The following PCSK5 variants were observed in gnomAD, a reference collection of about 807,000 sequenced individuals.
The protein encoded by PCSK5 is proprotein convertase subtilisin/kexin type 5.
In PCSK5, 129 loss-of-function variants were observed where a neutral mutation model predicts 233.2. That is an observed-to-expected ratio of 0.55 (90% CI 0.48 to 0.64). The LOEUF is 0.64. Ranked by LOEUF, PCSK5 falls within the 30% of genes least tolerant of loss-of-function variation. PCSK5 has a pLI of 0.00. For synonymous variants in PCSK5, 825 were observed against 879.2 expected (o/e 0.94, Z 1.09); for missense variants, 2,076 against 2,430.1 (o/e 0.85, Z 3.06).
At chr9:76,083,732 C>CA (rs1830947080) in intron 7 of PCSK5, among the ~76,000 whole-genome samples, 1 of 152,196 alleles carries the variant, frequency 6.6e-6, no homozygotes, top group African/African-American at 2.4e-5. Flanking sequence ...TTGCTGAAAG[C>CA]AAAGATTGCT....
intron 24 of PCSK5, among the ~76,000 whole-genome samples, chr9:76,267,386 A>G (rs1827366010): frequency 6.6e-6 from 1 of 152,222 alleles, no homozygotes; most frequent in Non-Finnish European, 1.5e-5. Flanking sequence ...CTCCACATTC[A>G]GCAGATAATT....
intron 10 of PCSK5, among the ~76,000 whole-genome samples, chr9:76,144,628 A>C (rs570633016): frequency 2.6e-5 from 4 of 152,340 alleles, no homozygotes; most frequent in African/African-American, 9.6e-5. Flanking sequence ...TCTAATCGAC[A>C]GAAGTCCCAC....
chr9:76,232,115 C>A (rs73460381), intron 21 of PCSK5, among the ~76,000 whole-genome samples: 14,792 of 152,198 alleles, frequency 0.097, 753 homozygotes, highest in South Asian at 0.11. Flanking sequence ...GCCCACCCCC[C>A]AGTTCAGGGT....
rs147357096 is a variant in PCSK5 at position 76,146,549 on chromosome 9, T to C, written c.1313-10496T>C. On this transcript the variant is annotated intron_variant, in intron 10 of 37. Transcript: ENST00000674117. ...GTATGTATATATATATATGTGTATATATATATTGCACATGATGTTTTAATG... is the reference window on the plus strand; with the variant it reads ...GTATGTATATATATATATGTGTATACATATATTGCACATGATGTTTTAATG... Among the ~76,000 whole-genome samples the C allele has an allele frequency of 1.9e-3, 286 of 151,476 alleles. 1 individual carries two copies. Among genetic ancestry groups the C allele is most frequent in the African/African-American group, 6.4e-3 (264 of 41,406 alleles).
intron 21 of PCSK5, among the ~76,000 whole-genome samples, chr9:76,228,749 G>T (rs1306574919): frequency 6.6e-6 from 1 of 152,242 alleles, no homozygotes; most frequent in Non-Finnish European, 1.5e-5. Context: ...TGCAGGCAAG[G>T]GTGATGAGGC....
In PCSK5 at chr9:76,071,712, T is replaced by G; in HGVS notation, c.722-14T>G. 1 of 1,606,148 alleles carries G rather than the reference T, an allele frequency of 6.2e-7. No individual in the cohort carries two copies. Among genetic ancestry groups the G allele is most frequent in the Non-Finnish European group, 8.5e-7 (1 of 1,175,412 alleles). ...AAGCCCTGTAATGAGCTAGTTCTCCTTTCTGTGTTGAAGGAGTGCGAATGC... is the reference window on the plus strand; with the variant it reads ...AAGCCCTGTAATGAGCTAGTTCTCCGTTCTGTGTTGAAGGAGTGCGAATGC... On this transcript the variant is annotated splice_polypyrimidine_tract_variant and intron_variant, in intron 6 of 37. Transcript: ENST00000674117.
chr9:76,288,866 A>G (rs2803414), intron 24 of PCSK5, among the ~76,000 whole-genome samples: 30,265 of 152,170 alleles, frequency 0.2, 3,195 homozygotes, highest in Middle Eastern at 0.27. Context: ...AATACATCTT[A>G]TAGGTATGAT....
chr9:76,165,868 AAAG>A (rs1378560469), intron 12 of PCSK5, among the ~76,000 whole-genome samples: 1 of 152,252 alleles, frequency 6.6e-6, no homozygotes, highest in African/African-American at 2.4e-5. Flanking sequence ...TTAGTTGATA[AAAG>A]AAGATCCCAC....
intron 3 of PCSK5, among the ~76,000 whole-genome samples, chr9:76,015,162 G>A (rs955432420): frequency 6.6e-6 from 1 of 152,194 alleles, no homozygotes; most frequent in East Asian, 1.9e-4. Flanking sequence ...GGAGAAACAG[G>A]AGCAACAGTG....
chr9:76,091,945 G>A (rs777840963), intron 7 of PCSK5, among the ~76,000 whole-genome samples: 2 of 152,122 alleles, frequency 1.3e-5, no homozygotes, highest in African/African-American at 4.8e-5. Flanking sequence ...CATTTTCAGG[G>A]CAGCAGCAAC....
chr9:76,322,148 C>T (rs1192936317), intron 31 of PCSK5, among the ~76,000 whole-genome samples: 7 of 152,152 alleles, frequency 4.6e-5, no homozygotes, highest in African/African-American at 1.4e-4. Context: ...CGAGGTTTCT[C>T]CATGTTGGTC....
intron 5 of PCSK5, among the ~76,000 whole-genome samples, chr9:76,049,663 C>A (rs1205761998): frequency 6.6e-6 from 1 of 152,170 alleles, no homozygotes; most frequent in Admixed American, 6.5e-5. Context: ...CCCCAAGGAG[C>A]CCTTGGATCA....
At chr9:76,308,574 C>CT in intron 28 of PCSK5, 71 bp from the exon 29 acceptor site, 3 of 860,812 alleles carry the variant, frequency 3.5e-6, no homozygotes, top group South Asian at 1.4e-5. Flanking sequence ...CCCATGAGAT[C>CT]TTTTTCAGTA....
In PCSK5 at chr9:76,323,287, A is replaced by C. The variant is rs935078469; in HGVS notation, c.4338A>C (p.Arg1446Ser). The change falls in exon 32 of 38, where the codon AGA becomes AGC. Residue 1446 changes from arginine (R) to serine (S), a missense_variant and splice_region_variant. Coordinates refer to ENST00000674117, the MANE Select transcript of PCSK5 (RefSeq NM_001372043.1). ...ATGAAAAGGAGACTAAGGAGTGCAG[A>C]GGTAAAGACTTCTGGGATTCAAAAT... The part of the protein sequence containing the change: ...TYYEKETKEC[R>S]DCHKSCLTCS... The C allele has an allele frequency of 2.4e-5, 37 of 1,570,052 alleles. No homozygotes were observed. The highest frequency in any genetic ancestry group is 3.0e-5 in the Non-Finnish European group (34 of 1,141,774).
intron 24 of PCSK5, chr9:76,287,136 C>T (rs1179299715): frequency 6.2e-6 from 1 of 162,278 alleles, no homozygotes; most frequent in Non-Finnish European, 1.4e-5. Context: ...AGAAGCTTAT[C>T]TGCTACACGG....
intron 20 of PCSK5, among the ~76,000 whole-genome samples, chr9:76,217,886 T>TC (rs1825593730): frequency 6.6e-6 from 1 of 152,100 alleles, no homozygotes; most frequent in African/African-American, 2.4e-5. Flanking sequence ...CTCCTGCCCC[T>TC]CCACACCACA....
intron 24 of PCSK5, among the ~76,000 whole-genome samples, chr9:76,262,517 A>G (rs4335189): frequency 0.89 from 128,450 of 144,904 alleles, 57,052 homozygotes; most frequent in Admixed American, 0.92. Context: ...ACAAAAACAA[A>G]CAATGGGGAA....
chr9:76,089,460 A>G (rs1236210076), intron 7 of PCSK5, among the ~76,000 whole-genome samples: 2 of 152,152 alleles, frequency 1.3e-5, no homozygotes, highest in Non-Finnish European at 2.9e-5. Flanking sequence ...TGGGCCTATT[A>G]CTTAATGTTA....
At chr9:76,327,875 C>A in intron 32 of PCSK5, 134 bp from the exon 33 acceptor site, 1 of 706,866 alleles carries the variant, frequency 1.4e-6, no homozygotes, top group East Asian at 2.5e-5. Context: ...GGCCCCACAC[C>A]ATTGGCCCAG....
Sources: allele counts gnomAD v4.1 joint callset (sites outside exome capture counted in the v4.1 genomes callset), GRCh38; gene constraint gnomAD v4.1.1; transcripts MANE v1.5; gene names NCBI Gene and HGNC (gene_info 2026-07-23, HGNC 2026-07-21).